Variants in SORCS2 observed in about 807,000 individuals in gnomAD.
SORCS2 encodes sortilin related VPS10 domain containing receptor 2.
In SORCS2, 100 loss-of-function variants were observed where a neutral mutation model predicts 141.6. That is an observed-to-expected ratio of 0.71 (90% CI 0.60 to 0.83). SORCS2 has a LOEUF of 0.83. Among genes scored for constraint, SORCS2 ranks in the 40% least tolerant of loss-of-function variants. The pLI, the probability that SORCS2 is intolerant of heterozygous loss-of-function variation, is 0.00. For synonymous variants in SORCS2, 789 were observed against 676.9 expected (o/e 1.17, Z -2.57); for missense variants, 1,646 against 1,560.2 (o/e 1.05, Z -0.93).
At position 7,726,831 on chromosome 4, in the gene SORCS2, G is replaced by A. The variant is rs750946063; in HGVS notation, c.2797G>A (p.Asp933Asn). Residue 933 changes from aspartate (D) to asparagine (N), a missense_variant, in exon 21 of 27, where the codon GAC becomes AAC. Physicochemically the swap from Asp to Asn is conservative, Grantham distance 23. Transcript: ENST00000507866. ...GACAACGCGGTTTTCGGACACGGGC[G>A]ACGTGCGTGTGACGGTGCAGGCCGC... Reference protein sequence around the residue: ...SVTTRFSDTGDVRVTVQAACG... With the variant: ...SVTTRFSDTGNVRVTVQAACG... 23 of 1,613,864 alleles carry A rather than the reference G, an allele frequency of 1.4e-5. No homozygotes were observed. Among genetic ancestry groups the A allele is most frequent in the East Asian group, 2.2e-5 (1 of 44,852 alleles).
intron 4 of SORCS2, among the ~76,000 whole-genome samples, chr4:7,640,356 A>G (rs1431058948): frequency 7.7e-6 from 1 of 130,428 alleles, no homozygotes; most frequent in Non-Finnish European, 1.6e-5. Context: ...GTGAGAGCCT[A>G]TGTGAGCATG....
intron 1 of SORCS2, among the ~76,000 whole-genome samples, chr4:7,194,737 A>C (rs965894350): frequency 6.6e-6 from 1 of 152,156 alleles, no homozygotes; most frequent in African/African-American, 2.4e-5. Flanking sequence ...CTTGTGAACA[A>C]ACGGTGTGTG....
intron 2 of SORCS2, among the ~76,000 whole-genome samples, chr4:7,497,923 C>G (rs1005375819): frequency 1.3e-5 from 2 of 152,246 alleles, no homozygotes; most frequent in Non-Finnish European, 2.9e-5. Context: ...TTAAGAAATG[C>G]GTTTCACTGA....
intron 1 of SORCS2, among the ~76,000 whole-genome samples, chr4:7,347,149 C>T (rs1351854630): frequency 6.6e-6 from 1 of 152,194 alleles, no homozygotes; most frequent in Admixed American, 6.5e-5. Context: ...TGGGACAATG[C>T]CTTTGCCCAA....
chr4:7,592,284 T>G (rs1003326659), intron 3 of SORCS2, among the ~76,000 whole-genome samples: 1 of 152,174 alleles, frequency 6.6e-6, no homozygotes, highest in African/African-American at 2.4e-5. Flanking sequence ...AGGCTGGATC[T>G]GGGCACGCTG....
intron 3 of SORCS2, among the ~76,000 whole-genome samples, chr4:7,539,867 C>A (rs1430260669): frequency 5.4e-5 from 8 of 149,412 alleles, no homozygotes; most frequent in Non-Finnish European, 1.2e-4. Context: ...GCTGTGGAAG[C>A]CCCATCCCCT....
At chr4:7,475,360 G>A (rs1201136374) in intron 2 of SORCS2, among the ~76,000 whole-genome samples, 3 of 152,164 alleles carry the variant, frequency 2.0e-5, no homozygotes, top group African/African-American at 7.2e-5. Flanking sequence ...AAGGGTGAGG[G>A]GGCGAGCAAG....
At chr4:7,312,406 G>C (rs1429129220) in intron 1 of SORCS2, among the ~76,000 whole-genome samples, 2 of 152,106 alleles carry the variant, frequency 1.3e-5, no homozygotes, top group Non-Finnish European at 2.9e-5. Context: ...CATGGGTTTT[G>C]CTCGGATCAG....
At position 7,741,091 on chromosome 4, in the gene SORCS2, A is replaced by C. The variant is rs1041010407; in HGVS notation, c.*827A>C. On this transcript the variant is annotated 3_prime_UTR_variant, in exon 27 of 27. Transcript: ENST00000507866. Reference sequence around the variant, plus strand: ...CCATCCCGCAGGCTTCTCCCACCTGATGGCTGTTCTCCCACCGGGTCTGGG... The same window carrying C: ...CCATCCCGCAGGCTTCTCCCACCTGCTGGCTGTTCTCCCACCGGGTCTGGG... 1 of 398,506 alleles carries C rather than the reference A, an allele frequency of 2.5e-6. No individual in the cohort carries two copies. The highest frequency in any genetic ancestry group is 4.4e-6 in the Non-Finnish European group (1 of 226,172). The allele number at this position is 398,506 out of a possible 1,614,324, so 24.7% of individuals were successfully genotyped here.
intron 2 of SORCS2, among the ~76,000 whole-genome samples, chr4:7,452,095 G>T (rs1322077125): frequency 6.6e-6 from 1 of 151,480 alleles, no homozygotes; most frequent in South Asian, 2.1e-4. Flanking sequence ...CCACACACCC[G>T]ATACCACTGA....
rs748408507 is a variant in SORCS2 at position 7,513,069 on chromosome 4, C to T, written c.549-18461C>T. On this transcript the variant is annotated intron_variant, in intron 2 of 26. Transcript: ENST00000507866. ...TTCTCTGAGGGCAGAAGGAGAGGGTCGCAGCCTGAAGAATCAGACAGACCC... is the reference window on the plus strand; with the variant it reads ...TTCTCTGAGGGCAGAAGGAGAGGGTTGCAGCCTGAAGAATCAGACAGACCC... Among the ~76,000 whole-genome samples the T allele has an allele frequency of 5.0e-4, 76 of 151,124 alleles. 1 individual carries two copies. Among genetic ancestry groups the T allele is most frequent in the Admixed American group, 1.6e-3 (24 of 15,116 alleles).
chr4:7,740,830 TCTAGGTAGCTG>T lies in SORCS2; in HGVS notation c.*569_*579del, dbSNP rs1712611374. On this transcript the variant is annotated 3_prime_UTR_variant, in exon 27 of 27. Transcript: ENST00000507866. ...GAAACTGCAGCTCTGTAAATGCCTC[TCTAGGTAGCTG>T]CTGGCGGTGGTGGGGGTGTCTCACT... 1 of 385,552 alleles carries T rather than the reference TCTAGGTAGCTG, an allele frequency of 2.6e-6. No homozygotes were observed. The highest frequency in any genetic ancestry group is 3.7e-5 in the East Asian group (1 of 26,916). 23.9% of individuals were successfully genotyped at this position (385,552 alleles called of 1,614,324 possible).
At chr4:7,432,356 C>G (rs1412151669) in intron 2 of SORCS2, 1 of 152,098 alleles carries the variant, frequency 6.6e-6, no homozygotes, top group African/African-American at 2.4e-5. Flanking sequence ...CCAGCAGACT[C>G]ATGAATGCCG....
chr4:7,632,573 C>T (rs540022194), intron 3 of SORCS2, among the ~76,000 whole-genome samples: 1 of 152,316 alleles, frequency 6.6e-6, no homozygotes, highest in East Asian at 1.9e-4. Context: ...TAATCATTTC[C>T]TCGGGCTTTT....
intron 1 of SORCS2, among the ~76,000 whole-genome samples, chr4:7,331,223 A>T (rs943459625): frequency 3.9e-5 from 6 of 151,918 alleles, no homozygotes; most frequent in African/African-American, 1.5e-4. Flanking sequence ...TGGGCTGGAG[A>T]CTGCTGTGGG....
intron 11 of SORCS2, among the ~76,000 whole-genome samples, chr4:7,690,819 C>A (rs1399721382): frequency 6.6e-6 from 1 of 152,160 alleles, no homozygotes; most frequent in Non-Finnish European, 1.5e-5. Context: ...AAGTATACAA[C>A]TAGCACTTTT....
Position 7,374,150 on chromosome 4 carries a change from T to C in SORCS2, c.481-22138T>C, listed in dbSNP as rs560692028. On this transcript the variant is annotated intron_variant, in intron 1 of 26. Transcript: ENST00000507866. The stretch of plus-strand genomic sequence containing the variant: ...TTCCCTCTTTCTTTCTTTCTTTCTT[T>C]CTTTCTTTCTTTCTTTCTTTCTTTC... Among the ~76,000 whole-genome samples, 906 of 146,490 alleles carry C rather than the reference T, an allele frequency of 6.2e-3. 8 individuals are homozygous for C. The highest frequency in any genetic ancestry group is 9.4e-3 in the Non-Finnish European group (631 of 66,908).
At chr4:7,554,620 A>C (rs1342599441) in intron 3 of SORCS2, among the ~76,000 whole-genome samples, 1 of 152,214 alleles carries the variant, frequency 6.6e-6, no homozygotes, top group Non-Finnish European at 1.5e-5. Flanking sequence ...AGGTAGAATG[A>C]TGAAAAAGAT....
chr4:7,442,982 C>T (rs543337752), intron 2 of SORCS2, among the ~76,000 whole-genome samples: 24 of 152,270 alleles, frequency 1.6e-4, no homozygotes, highest in South Asian at 8.3e-4. Context: ...TTCCCCGGGC[C>T]GGGGTTTGCA....
Sources: gnomAD v4.1 joint callset for allele counts (sites outside exome capture counted in the v4.1 genomes callset) on GRCh38, gnomAD v4.1.1 for gene constraint, MANE v1.5 for transcripts, NCBI Gene and HGNC (gene_info 2026-07-23, HGNC 2026-07-21) for gene names.